Variants in MARK4 observed in about 807,000 individuals in gnomAD.
MARK4 encodes the protein MAP/microtubule affinity-regulating kinase 4.
A neutral mutation model predicts 81.5 loss-of-function variants in MARK4; 19 were observed. That is an observed-to-expected ratio of 0.23 (90% CI 0.16 to 0.34). MARK4 has a LOEUF of 0.34. Ranked by LOEUF, MARK4 falls within the 10% of genes least tolerant of loss-of-function variation. The pLI, the probability that MARK4 is intolerant of heterozygous loss-of-function variation, is 1.00. For synonymous variants in MARK4, 436 were observed against 439.0 expected, an observed-to-expected ratio of 0.99 and a Z score of 0.08; for missense variants, 772 against 1,058.8, an observed-to-expected ratio of 0.73 and a Z score of 3.76.
intron 14 of MARK4, among the ~76,000 whole-genome samples, chr19:45,294,960 G>C (rs536735804): frequency 6.6e-4 from 100 of 152,256 alleles, no homozygotes; most frequent in Admixed American, 2.4e-3. Flanking sequence ...CTGTAGGGCA[G>C]GTTGATGGCC....
rs899843327 is a variant in MARK4 at position 45,305,031 on chromosome 19, A to T, written c.*2321A>T. 8 of 152,346 alleles carry T rather than the reference A, an allele frequency of 5.3e-5. No individual in the cohort carries two copies. The highest frequency in any genetic ancestry group is 5.2e-4 in the Admixed American group (8 of 15,244). 9.4% of individuals were successfully genotyped at this position (152,346 alleles called of 1,614,324 possible). On this transcript the variant is annotated 3_prime_UTR_variant, in exon 17 of 17. Transcript: ENST00000262891. ...GGGTAGAGATGGGCGGGTTTGTGCTATGTGCAGGGTGGAAGGGAGGGAAGT... is the reference window on the plus strand; with the variant it reads ...GGGTAGAGATGGGCGGGTTTGTGCTTTGTGCAGGGTGGAAGGGAGGGAAGT...
rs148409229 is a variant in MARK4 at position 45,299,847 on chromosome 19, G to A, written c.1914G>A (p.Glu638=). Residue 638 remains glutamate (E), a synonymous_variant, in exon 16 of 17, where the codon GAG becomes GAA. Transcript: ENST00000262891. ...AACCTGAGAGAATCGGGGGACCTGA[G>A]GTCACAAGGTGAGTGCTTGGGCCTA... The part of the protein sequence containing the change: ...ADEPERIGGP[E]VTSCHLPWDQ... The A allele has an allele frequency of 9.0e-5, 144 of 1,605,318 alleles. No individual in the cohort carries two copies. The highest frequency in any genetic ancestry group is 1.2e-4 in the Non-Finnish European group (139 of 1,174,354).
At chr19:45,276,792 AT>A (rs1244671625) in intron 8 of MARK4, among the ~76,000 whole-genome samples, 2 of 150,364 alleles carry the variant, frequency 1.3e-5, no homozygotes, top group African/African-American at 4.9e-5. Context: ...CACCCAGCTA[AT>A]TTTTGTATTT....
intron 15 of MARK4, among the ~76,000 whole-genome samples, chr19:45,299,605 A>G (rs2306660): frequency 0.18 from 27,158 of 151,998 alleles, 3,118 homozygotes; most frequent in Non-Finnish European, 0.27. Flanking sequence ...ATTCTTCAGT[A>G]TCTTTCCTGT....
intron 12 of MARK4, among the ~76,000 whole-genome samples, chr19:45,281,778 C>T (rs1438840877): frequency 6.6e-6 from 1 of 152,196 alleles, no homozygotes; most frequent in Admixed American, 6.5e-5. Flanking sequence ...CAGGAGGACA[C>T]GTTGTACAAA....
At chr19:45,293,545 C>A (rs541166089) in intron 13 of MARK4, among the ~76,000 whole-genome samples, 1 of 152,158 alleles carries the variant, frequency 6.6e-6, no homozygotes, top group African/African-American at 2.4e-5. Flanking sequence ...AAATTGAATT[C>A]GTAACTGAAA....
At position 45,299,843 on chromosome 19, in the gene MARK4, C is replaced by G; in HGVS notation, c.1910C>G (p.Pro637Arg). 2 of 1,605,740 alleles carry G rather than the reference C, an allele frequency of 1.2e-6. No individual in the cohort carries two copies. Among genetic ancestry groups the G allele is most frequent in the South Asian group, 2.2e-5 (2 of 90,194 alleles). The stretch of plus-strand genomic sequence containing the variant: ...GACGAACCTGAGAGAATCGGGGGAC[C>G]TGAGGTCACAAGGTGAGTGCTTGGG... ...VADEPERIGG[P>R]EVTSCHLPWD... The change falls in exon 16 of 17, where the codon CCT becomes CGT. Residue 637 changes from proline (P) to arginine (R), a missense_variant. Physicochemically the swap from Pro to Arg is moderately radical, Grantham distance 103 (BLOSUM62 -2). Around this residue, in one of 3 missense-constraint regions of MARK4, gnomAD observed 548 missense variants for 624.3 expected, o/e 0.88. Coordinates refer to ENST00000262891, the MANE Select transcript of MARK4 (RefSeq NM_001199867.2).
At chr19:45,267,080 A>G (rs1970464822) in intron 7 of MARK4, among the ~76,000 whole-genome samples, 1 of 150,902 alleles carries the variant, frequency 6.6e-6, no homozygotes, top group African/African-American at 2.4e-5. Context: ...TATTTTTGAC[A>G]TGGAGTTTCA....
chr19:45,296,250 A>G (rs1970885594), intron 14 of MARK4, among the ~76,000 whole-genome samples: 1 of 152,216 alleles, frequency 6.6e-6, no homozygotes, highest in Non-Finnish European at 1.5e-5. Flanking sequence ...TTTAAAAACA[A>G]CAAAAAATAA....
At chr19:45,263,703 C>T (rs1165697942) in intron 4 of MARK4, among the ~76,000 whole-genome samples, 1 of 150,720 alleles carries the variant, frequency 6.6e-6, no homozygotes, top group Non-Finnish European at 1.5e-5. Context: ...GATCGCACCA[C>T]TGCACCCCAG....
rs1211795900 is a variant in MARK4, at chr19:45,271,023, G to A, written c.550-449G>A. 2.6e-5 allele frequency among the ~76,000 whole-genome samples: 4 copies of A among 152,206 alleles called. No individual in the cohort carries two copies. The East Asian group carries it at 5.8e-4, about 22-fold the overall frequency. On this transcript the variant is annotated intron_variant, in intron 7 of 16. Coordinates refer to ENST00000262891, the MANE Select transcript of MARK4 (RefSeq NM_001199867.2). This position sits in a 1 kb window ranked among gnomAD's most constrained non-coding sequence, Gnocchi z 4.1. ...AACCTCAGGTGATCTGCCCACCTCG[G>A]CTTCCCAAAGTTCTGCGATTACAGG... is the stretch of plus-strand genomic sequence containing the variant.
At chr19:45,266,589 A>T (rs926989156) in intron 7 of MARK4, among the ~76,000 whole-genome samples, 2 of 151,978 alleles carry the variant, frequency 1.3e-5, no homozygotes, top group Non-Finnish European at 2.9e-5. Context: ...CTGGGACATG[A>T]TAAGGGGTTT....
intron 4 of MARK4, 58 bp downstream of exon 4, chr19:45,263,425 G>C (rs1364562672): frequency 6.2e-7 from 1 of 1,606,590 alleles, no homozygotes; most frequent in Admixed American, 1.7e-5. Context: ...CAAAGGAGTT[G>C]GGGGTGGTGG....
intron 1 of MARK4, among the ~76,000 whole-genome samples, chr19:45,258,146 G>C (rs1443615098): frequency 3.3e-5 from 5 of 151,536 alleles, no homozygotes; most frequent in Non-Finnish European, 7.4e-5. Flanking sequence ...CCAATGCCTG[G>C]CTAATTTTTG....
Position 45,302,841 on chromosome 19 carries a change from A to C in MARK4, c.*131A>C. 2 of 1,362,586 alleles carry C rather than the reference A, an allele frequency of 1.5e-6. No individual in the cohort carries two copies. The highest frequency in any genetic ancestry group is 2.0e-6 in the Non-Finnish European group (2 of 1,020,654). The allele number at this position is 1,362,586 out of a possible 1,614,324, so 84.4% of individuals were successfully genotyped here. A position where few individuals can be genotyped will look rare whatever the true frequency, so the allele number is the denominator to read the frequency against. ...TTTCCCTGAATTATATTTGGGGGCAAAGATTGTCCCCTCTGCTGTTCTCTG... is the reference window on the plus strand; with the variant it reads ...TTTCCCTGAATTATATTTGGGGGCACAGATTGTCCCCTCTGCTGTTCTCTG... On this transcript the variant is annotated 3_prime_UTR_variant, in exon 17 of 17. Transcript: ENST00000262891. This position sits in a 1 kb window ranked among gnomAD's most constrained non-coding sequence, Gnocchi z 4.9.
intron 8 of MARK4, among the ~76,000 whole-genome samples, chr19:45,272,926 T>C (rs997086484): frequency 6.6e-5 from 10 of 152,152 alleles, no homozygotes; most frequent in African/African-American, 2.4e-4. Flanking sequence ...GTAATGATTG[T>C]GCAACTCCGT....
rs1369641734 is a variant in MARK4, at chr19:45,304,025, A to C, written c.*1315A>C. On this transcript the variant is annotated 3_prime_UTR_variant, in exon 17 of 17. Transcript: ENST00000262891. ...AGAGAAATGCTGTATTAGGACTAAT[A>C]ATCCATCTACGCTGCTTAAGCAAAA... is the stretch of plus-strand genomic sequence containing the variant. The C allele has an allele frequency of 1.3e-5, 2 of 152,282 alleles. No homozygotes were observed. Among genetic ancestry groups the C allele is most frequent in the Non-Finnish European group, 2.9e-5 (2 of 68,058 alleles). 9.4% of individuals were successfully genotyped at this position (152,282 alleles called of 1,614,324 possible).
At chr19:45,277,822 G>T (rs1380431316) in intron 8 of MARK4, 101 bp from the exon 9 acceptor site, 1 of 1,140,888 alleles carries the variant, frequency 8.8e-7, no homozygotes, top group African/African-American at 1.9e-5. Context: ...TGGGACAAAG[G>T]TTGTGTGTGT....
chr19:45,280,309 A>G (rs976313792), intron 10 of MARK4, 65 bp from the exon 11 acceptor site: 2 of 1,442,028 alleles, frequency 1.4e-6, no homozygotes, highest in Non-Finnish European at 9.7e-7. Context: ...CTCAAAAAAA[A>G]AGAGAAATGG....
Sources: gnomAD v4.1 joint callset for allele counts (sites outside exome capture counted in the v4.1 genomes callset) on GRCh38, gnomAD v4.1.1 for gene constraint, gnomAD v4.1.1 regional missense constraint, Gnocchi (gnomAD v3.1) non-coding constraint, MANE v1.5 for transcripts, NCBI Gene and HGNC (gene_info 2026-07-23, HGNC 2026-07-21) for gene names.